Variants in SMG1 observed in about 807,000 individuals in gnomAD.
The protein encoded by SMG1 is SMG1 nonsense mediated mRNA decay associated PI3K related kinase.
A neutral mutation model predicts 419.9 loss-of-function variants in SMG1; 22 were observed. The ratio of observed to expected loss-of-function variants is 0.05; its 90% confidence interval spans 0.04 to 0.07. SMG1 has a LOEUF of 0.07. Ranked by LOEUF, SMG1 falls within the 10% of genes least tolerant of loss-of-function variation. The pLI, the probability that SMG1 is intolerant of heterozygous loss-of-function variation, is 1.00. For synonymous variants in SMG1, 1,538 were observed against 1,553.5 expected (o/e 0.99, Z 0.23); for missense variants, 3,185 against 4,342.0 (o/e 0.73, Z 7.49).
rs1423159307 is a variant in SMG1, at chr16:18,830,043, T to G, written c.9016A>C (p.Asn3006His). 1 of 1,601,158 alleles carries G rather than the reference T, an allele frequency of 6.2e-7. No homozygotes were observed. Among genetic ancestry groups the G allele is most frequent in the Non-Finnish European group, 8.5e-7 (1 of 1,172,968 alleles). The change falls in exon 53 of 63, where the codon AAT becomes CAT. Residue 3006 changes from asparagine to histidine, a missense_variant. Physicochemically the swap from Asn to His is moderately conservative, Grantham distance 68. Coordinates refer to ENST00000446231, the MANE Select transcript of SMG1 (RefSeq NM_015092.5). ...IIREARSTQV[N>H]FFDDDNHRQV... is the part of the protein sequence containing the mutation. ...CGGTGATTATCATCATCAAAAAAAT[T>G]AACTTGAGTACTCCTGGCTTCCCTT...
intron 6 of SMG1, among the ~76,000 whole-genome samples, chr16:18,887,941 G>A (rs2036706638): frequency 6.6e-6 from 1 of 151,450 alleles, no homozygotes. Flanking sequence ...CGAGGCAGGA[G>A]GATCACTTGA....
intron 1 of SMG1, chr16:18,925,377 C>A (rs927019314): frequency 7.9e-5 from 12 of 152,264 alleles, no homozygotes; most frequent in Admixed American, 3.9e-4. Context: ...CCAAGACCAG[C>A]GTGGGTCGAT....
intron 55 of SMG1, among the ~76,000 whole-genome samples, chr16:18,820,836 C>CA (rs1307424447): frequency 6.6e-6 from 1 of 152,006 alleles, no homozygotes; most frequent in Non-Finnish European, 1.5e-5. Flanking sequence ...TATTAATTTA[C>CA]AAAAACAAAA....
intron 1 of SMG1, among the ~76,000 whole-genome samples, chr16:18,902,487 G>C (rs1238140185): frequency 6.6e-6 from 1 of 152,108 alleles, no homozygotes; most frequent in Admixed American, 6.6e-5. Context: ...CAGATCACTT[G>C]AGCTCAGGAG....
Position 18,854,807 on chromosome 16 carries a change from C to A in SMG1, c.4332G>T (p.Leu1444=). The A allele has an allele frequency of 6.2e-7, 1 of 1,614,026 alleles. No homozygotes were observed. The highest frequency in any genetic ancestry group is 8.5e-7 in the Non-Finnish European group (1 of 1,179,886). The stretch of plus-strand genomic sequence containing the variant: ...GCTGAACTTCACTGCACTGTGCCAG[C>A]AGTCTTGTTGCAAGGGACACATTCC... The part of the protein sequence containing the change: ...KRGNVSLATR[L]LAQCSEVQLG... The change falls in exon 30 of 63, where the codon CTG becomes CTT. Residue 1444 remains leucine, a synonymous_variant. Transcript: ENST00000446231.
intron 60 of SMG1, among the ~76,000 whole-genome samples, chr16:18,814,876 C>G (rs927285676): frequency 2.5e-5 from 3 of 117,822 alleles, no homozygotes. Flanking sequence ...CCTCGCCCGG[C>G]CTTTTTTTTT....
intron 1 of SMG1, chr16:18,925,665 C>T (rs977192009): frequency 1.8e-4 from 41 of 227,072 alleles, no homozygotes; most frequent in Admixed American, 3.0e-4. Context: ...CCCCCACCCC[C>T]GCCTCTTTCT....
intron 10 of SMG1, among the ~76,000 whole-genome samples, chr16:18,880,754 C>CCATG (rs1249376385): frequency 1.4e-5 from 2 of 146,252 alleles, no homozygotes; most frequent in African/African-American, 2.6e-5. Flanking sequence ...GCATTCTTGG[C>CCATG]CATGCACAGT....
At chr16:18,884,655 G>A (rs1203705567) in intron 8 of SMG1, 1 of 180,080 alleles carries the variant, frequency 5.6e-6, no homozygotes, top group Non-Finnish European at 1.2e-5. Flanking sequence ...AATGAGCCAC[G>A]TTAGTCATTC....
At position 18,811,712 on chromosome 16, in the gene SMG1, CT is replaced by C. The variant is rs967014994; in HGVS notation, c.10908+48del. 26 of 1,494,332 alleles carry C rather than the reference CT, an allele frequency of 1.7e-5. No individual in the cohort carries two copies. In the Admixed American group the frequency reaches 3.2e-4, roughly 18 times the overall value. 92.6% of individuals were successfully genotyped at this position (1,494,332 alleles called of 1,614,324 possible). On this transcript the variant is annotated intron_variant, in intron 62 of 62. Transcript: ENST00000446231. ...TGAGAGGGATCTTTATACACCTCTA[CT>C]TTTCCAGCAGCATTAAAATGTGTAG...
intron 60 of SMG1, among the ~76,000 whole-genome samples, chr16:18,812,831 C>A (rs1450211254): frequency 6.6e-6 from 1 of 152,110 alleles, no homozygotes; most frequent in Non-Finnish European, 1.5e-5. Flanking sequence ...TCCCCCCACC[C>A]ACAACAAGCC....
At position 18,830,230 on chromosome 16, in the gene SMG1, A is replaced by G; in HGVS notation, c.8932T>C (p.Leu2978=). The change falls in exon 52 of 63, where the codon TTA becomes CTA. Residue 2978 remains leucine, a synonymous_variant. Transcript: ENST00000446231. ...AAGTCCACATTTACCTTTTCAACTA[A>G]TAAGCTGAAAGCAGTTTCAACTTGA... ...FAQVETAFSL[L]VEKLNKMEIP... is the part of the protein sequence containing the mutation. 6.2e-7 allele frequency: 1 copy of G among 1,613,852 alleles called. No homozygotes were observed. Among genetic ancestry groups the G allele is most frequent in the Admixed American group, 1.7e-5 (1 of 59,992 alleles).
intron 29 of SMG1, among the ~76,000 whole-genome samples, chr16:18,855,881 G>A (rs1178373291): frequency 6.6e-6 from 1 of 152,138 alleles, no homozygotes; most frequent in Non-Finnish European, 1.5e-5. Context: ...ACTTCTCACT[G>A]ACATTCTGAC....
In SMG1 at chr16:18,809,524, G is replaced by A. The variant is rs1334640069; in HGVS notation, c.*45C>T. The stretch of plus-strand genomic sequence containing the variant: ...TGCCTGAGGCTGAGTTGATTCTGGT[G>A]GATGTCTGACCTCGCTTAACCAGAC... On this transcript the variant is annotated 3_prime_UTR_variant, in exon 63 of 63. Transcript: ENST00000446231. 6.9e-7 allele frequency: 1 copy of A among 1,439,190 alleles called. No individual in the cohort carries two copies. The highest frequency in any genetic ancestry group is 9.7e-7 in the Non-Finnish European group (1 of 1,031,404). 89.2% of individuals were successfully genotyped at this position (1,439,190 alleles called of 1,614,324 possible). A position where few individuals can be genotyped will look rare whatever the true frequency, so the allele number is the denominator to read the frequency against.
intron 62 of SMG1, 26 bp from the exon 63 acceptor site, chr16:18,809,672 T>A: frequency 6.6e-7 from 1 of 1,513,404 alleles, no homozygotes; most frequent in Non-Finnish European, 9.1e-7. Context: ...GGATAGTATG[T>A]AAAGTCATTT....
intron 23 of SMG1, among the ~76,000 whole-genome samples, chr16:18,865,268 T>C (rs1248873408): frequency 6.6e-6 from 1 of 152,170 alleles, no homozygotes; most frequent in Non-Finnish European, 1.5e-5. Flanking sequence ...TTAATAAATA[T>C]AGAAATGTAA....
At chr16:18,809,692 C>T (rs1258321414) in intron 62 of SMG1, 46 bp from the exon 63 acceptor site, 1 of 1,431,722 alleles carries the variant, frequency 7.0e-7, no homozygotes. Flanking sequence ...TAAAGCTTTT[C>T]AATTGTCTGC....
chr16:18,851,229 C>G lies in SMG1; in HGVS notation c.5053-762G>C, dbSNP rs117329711. On this transcript the variant is annotated intron_variant, in intron 33 of 62. Coordinates refer to ENST00000446231, the MANE Select transcript of SMG1 (RefSeq NM_015092.5). ...GCAAGAACTGATCGATATAGCTTAG[C>G]TTGGCAAATAAAATCCATGCCTTTG... 5.3e-5 allele frequency among the ~76,000 whole-genome samples: 8 copies of G among 152,364 alleles called. No individual in the cohort carries two copies. The East Asian group carries it at 1.5e-3, about 29-fold the overall frequency.
Position 18,828,067 on chromosome 16 carries a change from G to T in SMG1, c.9705C>A (p.Thr3235=). ...ILTSMKKKLH[T]LSQIETSIAT... ...CAATAGAAGTTTCAATCTGGCTCAGGGTATGCAGCTTCTTTTTCATGCTGG... is the reference window on the plus strand; with the variant it reads ...CAATAGAAGTTTCAATCTGGCTCAGTGTATGCAGCTTCTTTTTCATGCTGG... Residue 3235 remains threonine, a synonymous_variant, in exon 55 of 63, where the codon ACC becomes ACA. Transcript: ENST00000446231. 3 of 1,613,122 alleles carry T rather than the reference G, an allele frequency of 1.9e-6. No individual in the cohort carries two copies. The South Asian group carries it at 3.3e-5, about 18-fold the overall frequency.
Sources: allele counts gnomAD v4.1 joint callset (sites outside exome capture counted in the v4.1 genomes callset), GRCh38; gene constraint gnomAD v4.1.1; transcripts MANE v1.5; gene names NCBI Gene and HGNC (gene_info 2026-07-23, HGNC 2026-07-21).